The following SPAG1 variants were observed in gnomAD, a reference collection of about 807,000 sequenced individuals.
SPAG1 encodes the protein sperm associated antigen 1.
A neutral mutation model predicts 100.5 loss-of-function variants in SPAG1; 69 were observed. That is an observed-to-expected ratio of 0.69 (90% CI 0.57 to 0.84). SPAG1 has a LOEUF of 0.84. Ranked by LOEUF, SPAG1 falls within the 40% of genes least tolerant of loss-of-function variation. The probability of loss-of-function intolerance (pLI) is 0.00; values close to 1 mark genes in which losing one functional copy is unlikely to be tolerated. For synonymous variants in SPAG1, 336 were observed against 411.6 expected (o/e 0.82, Z 2.22); for missense variants, 955 against 1,133.1 (o/e 0.84, Z 2.26).
Position 100,183,385 on chromosome 8 carries a change from C to A in SPAG1, c.437C>A (p.Ser146Tyr). The A allele has an allele frequency of 7.2e-7, 1 of 1,391,514 alleles. No individual in the cohort carries two copies. Among genetic ancestry groups the A allele is most frequent in the Non-Finnish European group, 1.0e-6 (1 of 989,308 alleles). The allele number at this position is 1,391,514 out of a possible 1,614,324, so 86.2% of individuals were successfully genotyped here. A position where few individuals can be genotyped will look rare whatever the true frequency, so the allele number is the denominator to read the frequency against. The stretch of plus-strand genomic sequence containing the variant: ...ATTTTATTCTTTTAGGAAAAATATT[C>A]TAAAAGACCAACTAAAAAGAAAACT... ...SCLHVGKEKY[S>Y]KRPTKKKTPR... Residue 146 changes from serine (S) to tyrosine (Y), a missense_variant, in exon 5 of 19, where the codon TCT becomes TAT. By Grantham distance (144) the Ser-to-Tyr change is moderately radical. Coordinates refer to ENST00000388798, the MANE Select transcript of SPAG1 (RefSeq NM_003114.5).
chr8:100,198,834 T>G (rs770731617), intron 10 of SPAG1, among the ~76,000 whole-genome samples: 3 of 152,216 alleles, frequency 2.0e-5, no homozygotes, highest in Non-Finnish European at 2.9e-5. Context: ...TACTTTTGTT[T>G]GTATGGATTT....
intron 10 of SPAG1, among the ~76,000 whole-genome samples, chr8:100,212,674 G>A (rs926180185): frequency 1.3e-5 from 2 of 152,150 alleles, no homozygotes; most frequent in Non-Finnish European, 2.9e-5. Context: ...TTTAAAATAA[G>A]GAAAGGTGCC....
At chr8:100,236,333 G>C (rs1012599320) in intron 16 of SPAG1, among the ~76,000 whole-genome samples, 6 of 152,220 alleles carry the variant, frequency 3.9e-5, no homozygotes, top group Non-Finnish European at 8.8e-5. Context: ...AAGAGAGACA[G>C]GGTCTCACTA....
chr8:100,160,881 T>A (rs1331777710), intron 1 of SPAG1, among the ~76,000 whole-genome samples: 1 of 152,228 alleles, frequency 6.6e-6, no homozygotes, highest in Non-Finnish European at 1.5e-5. Context: ...ACCTTCTCTG[T>A]CATTGTATTC....
At chr8:100,165,435 C>G in intron 2 of SPAG1, 1 of 409,676 alleles carries the variant, frequency 2.4e-6, no homozygotes, top group South Asian at 1.8e-5. Flanking sequence ...ACGCCAGCCG[C>G]GGGTCAGACC....
rs878855237 is a variant in SPAG1 at position 100,213,353 on chromosome 8, G to C, written c.1360G>C (p.Glu454Gln). The C allele has an allele frequency of 1.9e-4, 264 of 1,423,540 alleles. No homozygotes were observed. The highest frequency in any genetic ancestry group is 2.4e-4 in the Non-Finnish European group (255 of 1,084,526). 88.2% of individuals were successfully genotyped at this position (1,423,540 alleles called of 1,614,324 possible). Residue 454 changes from glutamate (E) to glutamine (Q), a missense_variant, in exon 11 of 19, where the codon GAG (glutamate) becomes CAG (glutamine). Glu to Gln is a conservative substitution (Grantham distance 29). Transcript: ENST00000388798. ...NPAGLKSQGNELFRSGQFAEA... is the reference protein window; with the variant it reads ...NPAGLKSQGNQLFRSGQFAEA... ...TGCCGGCCTGAAGAGCCAGGGCAACGAGCTGTTCCGAAGCGGGCAGTTCGC... is the reference window on the plus strand; with the variant it reads ...TGCCGGCCTGAAGAGCCAGGGCAACCAGCTGTTCCGAAGCGGGCAGTTCGC...
chr8:100,210,363 G>A (rs1041714887), intron 10 of SPAG1, among the ~76,000 whole-genome samples: 6 of 152,088 alleles, frequency 3.9e-5, no homozygotes, highest in Non-Finnish European at 8.8e-5. Context: ...ATCCCACTTG[G>A]CCATGGTGTA....
chr8:100,170,339 A>C, intron 3 of SPAG1, among the ~76,000 whole-genome samples: 1 of 152,160 alleles, frequency 6.6e-6, no homozygotes, highest in Admixed American at 6.5e-5. Flanking sequence ...TTTTTTGCTC[A>C]TCCTGTCATC....
In SPAG1 at chr8:100,223,804, C is replaced by T. The variant is rs189303278; in HGVS notation, c.1689-1369C>T. On this transcript the variant is annotated intron_variant, in intron 13 of 18. Coordinates refer to ENST00000388798, the MANE Select transcript of SPAG1 (RefSeq NM_003114.5). ...CTTTTTTCTGAAACTTCTTTTTCTT[C>T]TGCAATTCTGGGTGGTTATACATTA... Among the ~76,000 whole-genome samples the T allele has an allele frequency of 7.5e-3, 1,135 of 151,518 alleles. 6 individuals are homozygous for T. The highest frequency in any genetic ancestry group is 0.024 in the Middle Eastern group (7 of 292).
rs376956726 is a variant in SPAG1, at chr8:100,236,556, G to A, written c.2116-2684G>A. Among the ~76,000 whole-genome samples the A allele has an allele frequency of 3.3e-5, 5 of 152,208 alleles. No individual in the cohort carries two copies. The East Asian group carries it at 9.6e-4, about 29-fold the overall frequency. Reference sequence around the variant, plus strand: ...AGGAAGTGGCACAGGGGCTCACGGTGGCAGGTGTCCTGCCTTTAGCTCCCA... The same window carrying A: ...AGGAAGTGGCACAGGGGCTCACGGTAGCAGGTGTCCTGCCTTTAGCTCCCA... On this transcript the variant is annotated intron_variant, in intron 16 of 18. Coordinates refer to ENST00000388798, the MANE Select transcript of SPAG1 (RefSeq NM_003114.5).
rs1433798648 is a variant in SPAG1 at position 100,221,244 on chromosome 8, G to T, written c.1688+813G>T. Among the ~76,000 whole-genome samples, 5 of 152,248 alleles carry T rather than the reference G, an allele frequency of 3.3e-5. No individual in the cohort carries two copies. In the East Asian group the frequency reaches 9.6e-4, roughly 29 times the overall value. On this transcript the variant is annotated intron_variant, in intron 13 of 18. Coordinates refer to ENST00000388798, the MANE Select transcript of SPAG1 (RefSeq NM_003114.5). Reference sequence around the variant, plus strand: ...ATCTCTTGTTTCTCCTGAGGAGAATGGATGTCTTCATGAGCCTGCCAGATA... The same window carrying T: ...ATCTCTTGTTTCTCCTGAGGAGAATTGATGTCTTCATGAGCCTGCCAGATA...
At chr8:100,185,028 A>G in intron 7 of SPAG1, 2 of 270,124 alleles carry the variant, frequency 7.4e-6, no homozygotes, top group Non-Finnish European at 6.9e-6. Flanking sequence ...GAAGTGAATA[A>G]CTTGGGTTCC....
intron 6 of SPAG1, 73 bp from the exon 7 acceptor site, chr8:100,184,555 C>T (rs2132260180): frequency 1.5e-6 from 1 of 680,394 alleles, no homozygotes; most frequent in South Asian, 2.6e-5. Flanking sequence ...TTAAAATAAG[C>T]ATTCTTAGAT....
chr8:100,230,295 CTG>C (rs1818708823), intron 14 of SPAG1, among the ~76,000 whole-genome samples: 1 of 152,238 alleles, frequency 6.6e-6, no homozygotes, highest in East Asian at 1.9e-4. Context: ...AAGCAAAACA[CTG>C]TGGATATTTG....
At chr8:100,177,687 G>A in intron 3 of SPAG1, 129 bp from the exon 4 acceptor site, 2 of 463,794 alleles carry the variant, frequency 4.3e-6, no homozygotes, top group Non-Finnish European at 7.1e-6. Context: ...TATTTTTACT[G>A]AAAAAAATCC....
chr8:100,187,605 A>G (rs1816640600), intron 8 of SPAG1, among the ~76,000 whole-genome samples: 1 of 152,016 alleles, frequency 6.6e-6, no homozygotes, highest in African/African-American at 2.4e-5. Context: ...CCGAGGTGAG[A>G]CGATTGCTTG....
chr8:100,175,207 C>T (rs559206968), intron 3 of SPAG1, among the ~76,000 whole-genome samples: 1 of 151,304 alleles, frequency 6.6e-6, no homozygotes, highest in Non-Finnish European at 1.5e-5. Flanking sequence ...TCCTTCTAGA[C>T]GTTCATGATG....
At chr8:100,210,929 A>G (rs974595825) in intron 10 of SPAG1, among the ~76,000 whole-genome samples, 2 of 151,850 alleles carry the variant, frequency 1.3e-5, no homozygotes, top group Admixed American at 1.3e-4. Context: ...CCGGGGTCCA[A>G]ATGATTCTCC....
intron 10 of SPAG1, among the ~76,000 whole-genome samples, chr8:100,211,856 TG>T: frequency 6.6e-6 from 1 of 152,168 alleles, no homozygotes. Context: ...GTGATAGCAT[TG>T]GTCAGACCCG....
Sources: allele counts gnomAD v4.1 joint callset (sites outside exome capture counted in the v4.1 genomes callset), GRCh38; gene constraint gnomAD v4.1.1; transcripts MANE v1.5; gene names NCBI Gene and HGNC (gene_info 2026-07-23, HGNC 2026-07-21).